Variants in CHUK observed in about 807,000 individuals in gnomAD.
CHUK encodes component of inhibitor of nuclear factor kappa B kinase complex.
Under a neutral mutation model 104.8 loss-of-function variants are expected in CHUK, and 35 were observed. The observed-to-expected ratio is 0.33, with a 90% CI of 0.26 to 0.44. The LOEUF (loss-of-function observed/expected upper bound fraction) is 0.44, where lower values mean the gene tolerates loss of function less well. Ranked by LOEUF, CHUK falls within the 20% of genes least tolerant of loss-of-function variation. The probability of loss-of-function intolerance (pLI) is 1.00; values close to 1 mark genes in which losing one functional copy is unlikely to be tolerated. For synonymous variants in CHUK, 276 were observed against 291.9 expected (o/e 0.95, Z 0.56); for missense variants, 663 against 902.7 (o/e 0.73, Z 3.40).
Position 100,207,319 on chromosome 10 carries a change from C to G in CHUK, c.1142G>C (p.Ser381Thr). 6.8e-7 allele frequency: 1 copy of G among 1,466,920 alleles called. No individual in the cohort carries two copies. The highest frequency in any genetic ancestry group is 1.1e-5 in the South Asian group (1 of 88,080). 90.9% of individuals were successfully genotyped at this position (1,466,920 alleles called of 1,614,324 possible). The change falls in exon 11 of 21, where the codon AGC becomes ACC. Residue 381 changes from serine (S) to threonine (T), a missense_variant. Ser to Thr is a moderately conservative substitution (Grantham distance 58). This residue lies in a region of CHUK where 93 missense variants were observed against 95.9 expected (regional missense o/e 0.97). Transcript: ENST00000370397. ...TTTATCAAACAAATAAACCATATAG[C>G]TATCACAGCCTCTCTGAAAAAGAAA... ...CVLDGVRGCD[S>T]YMVYLFDKSK... is the part of the protein sequence containing the mutation.
intron 10 of CHUK, among the ~76,000 whole-genome samples, chr10:100,208,978 A>C (rs1278780292): frequency 1.3e-5 from 2 of 152,148 alleles, no homozygotes; most frequent in Admixed American, 6.5e-5. Flanking sequence ...AAACAAGTTT[A>C]TTGGGGGTCT....
chr10:100,194,265 A>G, intron 17 of CHUK, 134 bp from the exon 18 acceptor site: 2 of 1,123,036 alleles, frequency 1.8e-6, no homozygotes, highest in South Asian at 1.3e-5. Context: ...AATGCATACA[A>G]AAGGACACAT....
At chr10:100,223,080 GAAA>G (rs1846027368) in intron 2 of CHUK, 100 bp from the exon 3 acceptor site, 5 of 667,904 alleles carry the variant, frequency 7.5e-6, no homozygotes, top group Non-Finnish European at 1.1e-5. Context: ...AACAGAGGGG[GAAA>G]GATCAGTATT....
At chr10:100,212,675 C>A (rs1249841843) in intron 9 of CHUK, among the ~76,000 whole-genome samples, 1 of 152,106 alleles carries the variant, frequency 6.6e-6, no homozygotes, top group Non-Finnish European at 1.5e-5. Context: ...ACTTACAAAT[C>A]CTAACACAGA....
chr10:100,193,408 A>G lies in CHUK; in HGVS notation c.1998T>C (p.Leu666=), dbSNP rs760459251. The change falls in exon 19 of 21, where the codon CTT becomes CTC. Residue 666 remains leucine (L), a synonymous_variant. Transcript: ENST00000370397. ...CTGCACCTTCTAGACTGGATCCTAC[A>G]AGGGACCGGGCAGAACTCTGTGTCT... ...IACTQSSARS[L]VGSSLEGAVT... The G allele has an allele frequency of 3.7e-6, 6 of 1,614,012 alleles. No homozygotes were observed. Among genetic ancestry groups the G allele is most frequent in the African/African-American group, 1.3e-5 (1 of 74,920 alleles).
chr10:100,190,448 A>T (rs557097832), intron 20 of CHUK: 6 of 204,866 alleles, frequency 2.9e-5, no homozygotes, highest in African/African-American at 1.4e-4. Flanking sequence ...AGTTTATAGT[A>T]ACCAAATCTT....
chr10:100,194,263 C>A (rs1054270598), intron 17 of CHUK, 132 bp from the exon 18 acceptor site: 20 of 1,118,264 alleles, frequency 1.8e-5, no homozygotes, highest in Non-Finnish European at 2.7e-5. Context: ...GTAATGCATA[C>A]AAAAGGACAC....
intron 9 of CHUK, among the ~76,000 whole-genome samples, chr10:100,211,635 T>TCCA (rs1264695266): frequency 9.9e-5 from 15 of 152,236 alleles, no homozygotes; most frequent in Admixed American, 4.6e-4. Flanking sequence ...TCCAGGTTCA[T>TCCA]CCACATTGTC....
At chr10:100,212,971 A>G (rs1324865872) in intron 9 of CHUK, among the ~76,000 whole-genome samples, 2 of 147,552 alleles carry the variant, frequency 1.4e-5, no homozygotes, top group Non-Finnish European at 3.0e-5. Flanking sequence ...GCGCCACTGC[A>G]CTCCAGGCGA....
Position 100,194,416 on chromosome 10 carries a change from T to C in CHUK, c.1826+9A>G. 1 of 1,584,930 alleles carries C rather than the reference T, an allele frequency of 6.3e-7. No individual in the cohort carries two copies. ...GGTTTTTCAGTAGGAAATGAAGCAA[T>C]TTTCCTACCTCAAATGACCAAACAG... On this transcript the variant is annotated intron_variant, in intron 17 of 20. Coordinates refer to ENST00000370397, the MANE Select transcript of CHUK (RefSeq NM_001278.5).
chr10:100,196,290 T>TC (rs1344621440), intron 16 of CHUK, among the ~76,000 whole-genome samples: 3 of 152,126 alleles, frequency 2.0e-5, no homozygotes, highest in Non-Finnish European at 4.4e-5. Context: ...CTCTATCAGT[T>TC]CCTGTATCCA....
chr10:100,197,161 G>A (rs768745744), intron 16 of CHUK, among the ~76,000 whole-genome samples: 10 of 152,212 alleles, frequency 6.6e-5, no homozygotes, highest in Non-Finnish European at 1.0e-4. Flanking sequence ...GCAAGTGACT[G>A]TACTGAATAC....
Position 100,200,039 on chromosome 10 carries a change from G to T in CHUK, c.1680-19C>A. Reference sequence around the variant, plus strand: ...CTGTTCCCTATAAAAGAGAAAACACGCTCTGATAAGTGAAGGTAATTTAAT... The same window carrying T: ...CTGTTCCCTATAAAAGAGAAAACACTCTCTGATAAGTGAAGGTAATTTAAT... On this transcript the variant is annotated intron_variant, in intron 15 of 20. Transcript: ENST00000370397. 1 of 1,584,854 alleles carries T rather than the reference G, an allele frequency of 6.3e-7. No homozygotes were observed. Among genetic ancestry groups the T allele is most frequent in the South Asian group, 1.1e-5 (1 of 90,438 alleles).
Position 100,194,128 on chromosome 10 carries a change from C to T in CHUK, c.1830G>A (p.Lys610=), listed in dbSNP as rs752261165. Residue 610 remains lysine (K), a synonymous_variant, in exon 18 of 21, where the codon AAG becomes AAA. Transcript: ENST00000370397. ...TAATCTTCTGCTTACAGCCCAACAACTTGCTGGAGAGATTAAATCAGTGTC... is the reference window on the plus strand; with the variant it reads ...TAATCTTCTGCTTACAGCCCAACAATTTGCTGGAGAGATTAAATCAGTGTC... ...VLKELFGHLS[K]LLGCKQKIID... 6.2e-7 allele frequency: 1 copy of T among 1,613,426 alleles called. No individual in the cohort carries two copies. The highest frequency in any genetic ancestry group is 1.1e-5 in the South Asian group (1 of 91,076).
downstream of CHUK, chr10:100,188,246 T>C (rs1845116507): frequency 6.6e-6 from 1 of 152,548 alleles, no homozygotes. Context: ...CTATTATTCC[T>C]AAGGAAAGTA....
downstream of CHUK, chr10:100,186,322 G>C: frequency 3.0e-6 from 1 of 337,588 alleles, no homozygotes; most frequent in Non-Finnish European, 5.3e-6. Flanking sequence ...ACTCTCAAAC[G>C]GTAGCTGTTC....
chr10:100,228,672 A>C (rs996722554), intron 1 of CHUK, among the ~76,000 whole-genome samples: 20 of 152,032 alleles, frequency 1.3e-4, no homozygotes, highest in Admixed American at 2.0e-4. Flanking sequence ...AAAACAAACA[A>C]ACAAGACCCA....
intron 19 of CHUK, 112 bp downstream of exon 19, chr10:100,193,186 T>G: frequency 8.6e-7 from 1 of 1,166,322 alleles, no homozygotes; most frequent in Non-Finnish European, 1.3e-6. Context: ...AAAGGGATAG[T>G]CAGGACTCAA....
intron 9 of CHUK, among the ~76,000 whole-genome samples, chr10:100,211,620 T>C (rs1001496915): frequency 6.6e-6 from 1 of 152,224 alleles, no homozygotes; most frequent in Non-Finnish European, 1.5e-5. Context: ...TTACTTAACA[T>C]GTCCTCCAGG....
Sources: gnomAD v4.1 joint callset for allele counts (sites outside exome capture counted in the v4.1 genomes callset) on GRCh38, gnomAD v4.1.1 for gene constraint, gnomAD v4.1.1 regional missense constraint, MANE v1.5 for transcripts, NCBI Gene and HGNC (gene_info 2026-07-23, HGNC 2026-07-21) for gene names.